IRAG1: variants seen among roughly 807,000 people sequenced by gnomAD.
The protein encoded by IRAG1 is inositol 1,4,5-triphosphate receptor associated 1.
In IRAG1, 62 loss-of-function variants were observed where a neutral mutation model predicts 106.2. The ratio of observed to expected loss-of-function variants is 0.58; its 90% CI spans 0.48 to 0.72. The LOEUF (loss-of-function observed/expected upper bound fraction) is 0.72. Among genes scored for constraint, IRAG1 ranks in the 30% least tolerant of loss-of-function variants. The pLI, the probability that IRAG1 is intolerant of heterozygous loss-of-function variation, is 0.00. For synonymous variants in IRAG1, 462 were observed against 443.9 expected (o/e 1.04, Z -0.51); for missense variants, 1,064 against 1,140.7 (o/e 0.93, Z 0.97).
chr11:10,576,614 T>C, intron 20 of IRAG1, 39 bp from the exon 21 acceptor site: 1 of 1,611,246 alleles, frequency 6.2e-7, no homozygotes, highest in East Asian at 2.2e-5. Context: ...TTTAGTATAC[T>C]GGGCACACAT....
intron 1 of IRAG1, among the ~76,000 whole-genome samples, chr11:10,690,924 G>A (rs1317088024): frequency 2.6e-5 from 4 of 152,212 alleles, no homozygotes; most frequent in Non-Finnish European, 5.9e-5. Context: ...CCAAGGGGCA[G>A]GGGCAGGGCC....
At chr11:10,618,097 T>C (rs16908056) in intron 10 of IRAG1, among the ~76,000 whole-genome samples, 2,619 of 152,284 alleles carry the variant, frequency 0.017, 83 homozygotes, top group African/African-American at 0.061. Flanking sequence ...TTGTTGCCCA[T>C]CTCTCTGGGA....
chr11:10,587,753 C>T (rs1327779021), intron 18 of IRAG1, among the ~76,000 whole-genome samples: 1 of 152,196 alleles, frequency 6.6e-6, no homozygotes, highest in Non-Finnish European at 1.5e-5. Flanking sequence ...CTCTGTTCTC[C>T]ACTCCATGCC....
At chr11:10,593,888 A>T (rs915146673) in intron 16 of IRAG1, 1 of 573,490 alleles carries the variant, frequency 1.7e-6, no homozygotes, top group African/African-American at 1.9e-5. Flanking sequence ...TGGAGACTGT[A>T]TTCAAGCTGC....
In IRAG1 at chr11:10,591,617, G is replaced by T. The variant is rs890109157; in HGVS notation, c.2176-5C>A. On this transcript the variant is annotated splice_region_variant and splice_polypyrimidine_tract_variant and intron_variant, in intron 17 of 20. Transcript: ENST00000423302. ...TTTCCCATTGGGTGATTCCGACTGA[G>T]TGAAAAACAGAAGACAGAGAATTGA... is the stretch of plus-strand genomic sequence containing the variant. 6 of 1,588,046 alleles carry T rather than the reference G, an allele frequency of 3.8e-6. No individual in the cohort carries two copies. Among genetic ancestry groups the T allele is most frequent in the African/African-American group, 1.3e-5 (1 of 74,448 alleles).
chr11:10,675,301 C>T (rs1315090074), intron 1 of IRAG1, among the ~76,000 whole-genome samples: 2 of 152,214 alleles, frequency 1.3e-5, no homozygotes, highest in African/African-American at 2.4e-5. Flanking sequence ...TCTGGGCCAC[C>T]GTTAAGCTCT....
chr11:10,663,912 C>T lies in IRAG1; in HGVS notation c.68-11730G>A, dbSNP rs113622676. Among the ~76,000 whole-genome samples the T allele has an allele frequency of 1.1e-3, 167 of 152,294 alleles. 1 individual carries two copies. The highest frequency in any genetic ancestry group is 2.0e-3 in the Non-Finnish European group (137 of 68,030). On this transcript the variant is annotated intron_variant, in intron 1 of 20. Transcript: ENST00000423302. ...GGAGCCTTAGACAAGCAAAGTGACTCGCTCTAGGTCACACAGTCAGAAGGC... is the reference window on the plus strand; with the variant it reads ...GGAGCCTTAGACAAGCAAAGTGACTTGCTCTAGGTCACACAGTCAGAAGGC...
At chr11:10,593,710 G>T (rs117131664) in intron 16 of IRAG1, 111 bp from the exon 17 acceptor site, 31,062 of 859,424 alleles carry the variant, frequency 0.036, 692 homozygotes, top group Middle Eastern at 0.095. Flanking sequence ...GCATTCACTG[G>T]ATATTTTGGT....
At chr11:10,680,368 A>AGAAAGAAGGAAGGAAGGAAG (rs1186897932) in intron 1 of IRAG1, among the ~76,000 whole-genome samples, 2 of 80,914 alleles carry the variant, frequency 2.5e-5, no homozygotes, top group Non-Finnish European at 2.3e-5. Flanking sequence ...AAAGAAAGAA[A>AGAAAGAAGGAAGGAAGGAAG]GAAGGAAGGA....
chr11:10,589,700 C>T (rs968875105), intron 18 of IRAG1, among the ~76,000 whole-genome samples: 1 of 152,200 alleles, frequency 6.6e-6, no homozygotes, highest in Admixed American at 6.5e-5. Context: ...TGGGTATATT[C>T]CCAACTGGCG....
intron 1 of IRAG1, among the ~76,000 whole-genome samples, chr11:10,688,471 T>C (rs1229091966): frequency 6.6e-6 from 1 of 152,176 alleles, no homozygotes; most frequent in East Asian, 1.9e-4. Flanking sequence ...AAACACCCTC[T>C]TGATTTGCTT....
chr11:10,638,142 C>T (rs1452262509), intron 2 of IRAG1, among the ~76,000 whole-genome samples: 1 of 152,188 alleles, frequency 6.6e-6, no homozygotes, highest in African/African-American at 2.4e-5. Flanking sequence ...CTCAGAGGTG[C>T]AAATTAGAGA....
chr11:10,647,104 C>A lies in IRAG1; in HGVS notation c.225+4921G>T, dbSNP rs551927707. On this transcript the variant is annotated intron_variant, in intron 2 of 20. Coordinates refer to ENST00000423302, the MANE Select transcript of IRAG1 (RefSeq NM_130385.4). This position sits in a 1 kb window ranked among gnomAD's most constrained non-coding sequence, Gnocchi z 4.3. ...CTGACAGCGAGCTCTGAAGTTGGCCCTTCTGAGGTGAGTGGCTTTGGGAAC... is the reference window on the plus strand; with the variant it reads ...CTGACAGCGAGCTCTGAAGTTGGCCATTCTGAGGTGAGTGGCTTTGGGAAC... 7.6e-4 allele frequency among the ~76,000 whole-genome samples: 115 copies of A among 152,280 alleles called. 1 individual carries two copies. Among genetic ancestry groups the A allele is most frequent in the African/African-American group, 2.6e-3 (107 of 41,576 alleles).
chr11:10,670,492 C>T lies in IRAG1; in HGVS notation c.68-18310G>A, dbSNP rs143990670. Reference sequence around the variant, plus strand: ...ATAGGTCACTGTCATTTGGTGGTCACGGTGAATTGGTTATTTAACAAATTC... The same window carrying T: ...ATAGGTCACTGTCATTTGGTGGTCATGGTGAATTGGTTATTTAACAAATTC... On this transcript the variant is annotated intron_variant, in intron 1 of 20. Coordinates refer to ENST00000423302, the MANE Select transcript of IRAG1 (RefSeq NM_130385.4). Among the ~76,000 whole-genome samples, 1,305 of 152,202 alleles carry T rather than the reference C, an allele frequency of 8.6e-3. 12 individuals carry two copies. The highest frequency in any genetic ancestry group is 0.014 in the Non-Finnish European group (947 of 68,024).
At position 10,659,475 on chromosome 11, in the gene IRAG1, G is replaced by A. The variant is rs147293792; in HGVS notation, c.68-7293C>T. ...GACTGTGTCCCCTAAACAAAGTCAC[G>A]TTTCGGGAGGCTGGCCCTGAGAACC... On this transcript the variant is annotated intron_variant, in intron 1 of 20. Coordinates refer to ENST00000423302, the MANE Select transcript of IRAG1 (RefSeq NM_130385.4). This position sits in a 1 kb window ranked among gnomAD's most constrained non-coding sequence, Gnocchi z 4.1. 6.6e-5 allele frequency among the ~76,000 whole-genome samples: 10 copies of A among 152,268 alleles called. No homozygotes were observed. The highest frequency in any genetic ancestry group is 2.1e-4 in the South Asian group (1 of 4,820).
chr11:10,618,055 A>G (rs1407522098), intron 10 of IRAG1, among the ~76,000 whole-genome samples: 1 of 152,176 alleles, frequency 6.6e-6, no homozygotes, highest in Non-Finnish European at 1.5e-5. Flanking sequence ...CAAAGCCTTC[A>G]ATTTCCTTGG....
chr11:10,623,800 A>C lies in IRAG1; in HGVS notation c.1425T>G (p.Ser475Arg), dbSNP rs1308611616. Reference sequence around the variant, plus strand: ...TACCTTTTTCCTGCTCAGCTGCTTCACTAAGGTCTGGAAGCTTGAGCCCCA... The same window carrying C: ...TACCTTTTTCCTGCTCAGCTGCTTCCCTAAGGTCTGGAAGCTTGAGCCCCA... ...NLVGLKLPDL[S>R]EAAEQEKGLP... The change falls in exon 10 of 21, where the codon AGT becomes AGG. Residue 475 changes from serine (S) to arginine (R), a missense_variant. Coordinates refer to ENST00000423302, the MANE Select transcript of IRAG1 (RefSeq NM_130385.4). 6.2e-7 allele frequency: 1 copy of C among 1,614,042 alleles called. No individual in the cohort carries two copies. Among genetic ancestry groups the C allele is most frequent in the South Asian group, 1.1e-5 (1 of 91,082 alleles).
At chr11:10,621,187 T>C (rs1160844664) in intron 10 of IRAG1, among the ~76,000 whole-genome samples, 2 of 152,248 alleles carry the variant, frequency 1.3e-5, no homozygotes, top group South Asian at 2.1e-4. Flanking sequence ...AAAAGATCTC[T>C]TTAAAGATGG....
intron 5 of IRAG1, 39 bp downstream of exon 5, chr11:10,629,499 G>A (rs1450485500): frequency 6.3e-7 from 1 of 1,594,788 alleles, no homozygotes; most frequent in Non-Finnish European, 8.5e-7. Context: ...CGACCCTAGA[G>A]GGGCTCAGGG....
Sources: gnomAD v4.1 joint callset for allele counts (sites outside exome capture counted in the v4.1 genomes callset) on GRCh38, gnomAD v4.1.1 for gene constraint, Gnocchi (gnomAD v3.1) non-coding constraint, MANE v1.5 for transcripts, NCBI Gene and HGNC (gene_info 2026-07-23, HGNC 2026-07-21) for gene names.